Variants in PHYH observed in about 807,000 individuals in gnomAD.
PHYH encodes the protein phytanoyl-CoA dioxygenase, peroxisomal.
Under a neutral mutation model 38.5 loss-of-function variants are expected in PHYH, and 32 were observed. That is an observed-to-expected ratio of 0.83 (90% CI 0.63 to 1.12). The LOEUF (loss-of-function observed/expected upper bound fraction) is 1.12. Among genes scored for constraint, PHYH ranks in the 50% most tolerant of loss-of-function variants. PHYH has a pLI of 0.00. For synonymous variants in PHYH, 166 were observed against 157.9 expected (o/e 1.05, Z -0.38); for missense variants, 426 against 434.8 (o/e 0.98, Z 0.18).
At chr10:13,287,617 T>G (rs1734351579) in intron 6 of PHYH, among the ~76,000 whole-genome samples, 1 of 152,118 alleles carries the variant, frequency 6.6e-6, no homozygotes, top group South Asian at 2.1e-4. Context: ...CCTTCCTATA[T>G]CGACTCTTCC....
Position 13,283,787 on chromosome 10 carries a change from G to A in PHYH, c.731C>T (p.Ala244Val). The A allele has an allele frequency of 6.2e-7, 1 of 1,613,846 alleles. No homozygotes were observed. The highest frequency in any genetic ancestry group is 1.1e-5 in the South Asian group (1 of 91,052). Reference sequence around the variant, plus strand: ...CTTCTCCATCACCAGGTGCACCCGGGCCTTGTTTTCCTCGTAGTCCTGGAT... The same window carrying A: ...CTTCTCCATCACCAGGTGCACCCGGACCTTGTTTTCCTCGTAGTCCTGGAT... ...HGIQDYEENKARVHLVMEKGD... is the reference protein window; with the variant it reads ...HGIQDYEENKVRVHLVMEKGD... The change falls in exon 7 of 9, where the codon GCC (alanine) becomes GTC (valine). Residue 244 changes from alanine to valine, a missense_variant. By Grantham distance (64) the Ala-to-Val change is moderately conservative. Coordinates refer to ENST00000263038, the MANE Select transcript of PHYH (RefSeq NM_006214.4).
intron 2 of PHYH, among the ~76,000 whole-genome samples, chr10:13,297,924 G>A (rs1413417229): frequency 6.6e-6 from 1 of 151,102 alleles, no homozygotes; most frequent in Admixed American, 6.6e-5. Flanking sequence ...GGAAGGGCCC[G>A]TCTCTATTAA....
At chr10:13,298,922 AAATAATAATAAT>A (rs61660763) in intron 1 of PHYH, among the ~76,000 whole-genome samples, 766 of 58,054 alleles carry the variant, frequency 0.013, 9 homozygotes, top group South Asian at 0.037. Flanking sequence ...TCCGTCTCAA[AAATAATAATAAT>A]AATAATAATA....
intron 5 of PHYH, among the ~76,000 whole-genome samples, chr10:13,290,347 T>C (rs1302725442): frequency 6.6e-6 from 1 of 151,950 alleles, no homozygotes; most frequent in Non-Finnish European, 1.5e-5. Context: ...CCCCCACAAC[T>C]ATAGTCATTC....
At position 13,289,655 on chromosome 10, in the gene PHYH, C is replaced by T. The variant is rs141639125; in HGVS notation, c.497-1114G>A. ...TGATGTCAAAAAAAGTTCTAAGCCA[C>T]GTGTAGTGGCTCACACCTGTAATCC... On this transcript the variant is annotated intron_variant, in intron 5 of 8. Coordinates refer to ENST00000263038, the MANE Select transcript of PHYH (RefSeq NM_006214.4). Among the ~76,000 whole-genome samples, 71 of 152,132 alleles carry T rather than the reference C, an allele frequency of 4.7e-4. 1 individual carries two copies. In the Middle Eastern group the frequency reaches 0.01, roughly 22 times the overall value.
chr10:13,298,921 AAAATAATAATAATAATAATAAT>A (rs760758927), intron 1 of PHYH, among the ~76,000 whole-genome samples: 20 of 84,058 alleles, frequency 2.4e-4, no homozygotes, highest in African/African-American at 5.0e-4. Context: ...CTCCGTCTCA[AAAATAATAATAATAATAATAAT>A]AATAATAATA....
intron 8 of PHYH, 50 bp from the exon 9 acceptor site, chr10:13,278,404 C>T (rs1275666189): frequency 1.6e-6 from 2 of 1,222,524 alleles, no homozygotes; most frequent in East Asian, 2.3e-5. Context: ...TCAATCTGCC[C>T]TCCATTAACC....
rs772962267 is a variant in PHYH at position 13,288,448 on chromosome 10, T to G, written c.590A>C (p.Glu197Ala). 6.2e-7 allele frequency: 1 copy of G among 1,614,162 alleles called. No individual in the cohort carries two copies. Among genetic ancestry groups the G allele is most frequent in the African/African-American group, 1.3e-5 (1 of 75,058 alleles). Residue 197 changes from glutamate (E) to alanine (A), a missense_variant, in exon 6 of 9, where the codon GAG (glutamate) becomes GCG (alanine). Transcript: ENST00000263038. The part of the protein sequence containing the change: ...DLIVCAWTAM[E>A]HISRNNGCLV... ...ACAGCCGTTGTTCCGGCTGATGTGC[T>G]CCATCGCCGTCCAGGCGCAAACGAT... is the stretch of plus-strand genomic sequence containing the variant.
intron 8 of PHYH, 62 bp downstream of exon 8, chr10:13,280,914 A>C: frequency 6.8e-7 from 1 of 1,476,672 alleles, no homozygotes; most frequent in Non-Finnish European, 9.5e-7. Flanking sequence ...TATGAGAATT[A>C]TGAAGCATCT....
At chr10:13,297,863 G>A (rs1832605231) in intron 2 of PHYH, among the ~76,000 whole-genome samples, 2 of 151,924 alleles carry the variant, frequency 1.3e-5, no homozygotes, top group African/African-American at 2.4e-5. Flanking sequence ...GGGAGGCCAA[G>A]GCAGGAGGAT....
rs1302677485 is a variant in PHYH, at chr10:13,294,461, A to G, written c.381T>C (p.Asp127=). The change falls in exon 4 of 9, where the codon GAT becomes GAC. Residue 127 remains aspartate, a synonymous_variant. Coordinates refer to ENST00000263038, the MANE Select transcript of PHYH (RefSeq NM_006214.4). ...MITKVQDFQE[D]KELFRYCTLP... ...GAGTGCAGTATCTGAAGAGCTCCTT[A>G]TCTTCCTGGAAATCCTGGACCTTCG... 2 of 1,614,162 alleles carry G rather than the reference A, an allele frequency of 1.2e-6. No homozygotes were observed. Among genetic ancestry groups the G allele is most frequent in the Non-Finnish European group, 1.7e-6 (2 of 1,180,018 alleles).
At chr10:13,292,730 C>G (rs925860953) in intron 4 of PHYH, among the ~76,000 whole-genome samples, 1 of 151,950 alleles carries the variant, frequency 6.6e-6, no homozygotes, top group Non-Finnish European at 1.5e-5. Flanking sequence ...GTCAGGAGTT[C>G]AAAACCAGCT....
intron 5 of PHYH, among the ~76,000 whole-genome samples, chr10:13,289,401 T>C (rs960241578): frequency 6.6e-6 from 1 of 151,806 alleles, no homozygotes; most frequent in Admixed American, 6.6e-5. Context: ...TTCACTGTGT[T>C]AGCCAGGATG....
intron 7 of PHYH, among the ~76,000 whole-genome samples, chr10:13,281,782 C>T (rs1191984116): frequency 6.6e-6 from 1 of 152,214 alleles, no homozygotes. Context: ...GTCAGAAAGA[C>T]TTTCTACTTT....
intron 2 of PHYH, among the ~76,000 whole-genome samples, chr10:13,296,734 C>T (rs987095023): frequency 6.7e-4 from 95 of 140,998 alleles, no homozygotes; most frequent in African/African-American, 1.7e-3. Flanking sequence ...CTGAGGTGGG[C>T]GGATCACGAG....
At chr10:13,299,916 C>T in intron 1 of PHYH, 52 bp downstream of exon 1, 1 of 1,488,302 alleles carries the variant, frequency 6.7e-7, no homozygotes, top group South Asian at 1.3e-5. Flanking sequence ...ACCACTCAGG[C>T]GGCGGCGCCG....
rs554876969 is a variant in PHYH, at chr10:13,282,159, G to A, written c.829-1049C>T. ...CCAGCTACTTGAGAGGTTGAGGTGG[G>A]AGGATGGCTTGAGCCTCAGTGTTCC... On this transcript the variant is annotated intron_variant, in intron 7 of 8. Transcript: ENST00000263038. 5.9e-5 allele frequency among the ~76,000 whole-genome samples: 9 copies of A among 152,288 alleles called. No homozygotes were observed. In the East Asian group the frequency reaches 1.7e-3, roughly 29 times the overall value.
intron 2 of PHYH, among the ~76,000 whole-genome samples, chr10:13,296,339 G>C (rs1835849325): frequency 6.6e-6 from 1 of 151,654 alleles, no homozygotes; most frequent in Non-Finnish European, 1.5e-5. Flanking sequence ...CTTTTTGGGA[G>C]GCTGAGGCAG....
At position 13,281,135 on chromosome 10, in the gene PHYH, T is replaced by C. The variant is rs373016813; in HGVS notation, c.829-25A>G. The C allele has an allele frequency of 2.9e-5, 46 of 1,613,786 alleles. No individual in the cohort carries two copies. In the South Asian group the frequency reaches 3.5e-4, roughly 12 times the overall value. ...CCTGTGCAAAGTGAACAAATTGATATTGGAGAAAAACATCCCATGAATACC... is the reference window on the plus strand; with the variant it reads ...CCTGTGCAAAGTGAACAAATTGATACTGGAGAAAAACATCCCATGAATACC... On this transcript the variant is annotated intron_variant, in intron 7 of 8. Transcript: ENST00000263038.
Sources: allele counts gnomAD v4.1 joint callset (sites outside exome capture counted in the v4.1 genomes callset), GRCh38; gene constraint gnomAD v4.1.1; transcripts MANE v1.5; gene names NCBI Gene and HGNC (gene_info 2026-07-23, HGNC 2026-07-21).